SNIP1: variants seen among roughly 807,000 people sequenced by gnomAD.
The protein encoded by SNIP1 is smad nuclear-interacting protein 1.
In SNIP1, 23 loss-of-function variants were observed where a neutral mutation model predicts 37.4. The observed-to-expected ratio is 0.61, with a 90% CI of 0.44 to 0.87. The LOEUF (loss-of-function observed/expected upper bound fraction) is 0.87. SNIP1 is among the 40% of genes least tolerant of loss of function. The probability of loss-of-function intolerance (pLI) is 0.00; values close to 1 mark genes in which losing one functional copy is unlikely to be tolerated. For missense variants in SNIP1, 459 were observed against 540.4 expected (o/e 0.85, Z 1.49); for synonymous variants, 174 against 200.0 (o/e 0.87, Z 1.10).
At chr1:37,545,134 C>T in intron 2 of SNIP1, 6 of 736,884 alleles carry the variant, frequency 8.1e-6, no homozygotes, top group Non-Finnish European at 1.5e-5. Flanking sequence ...AAATTACCCC[C>T]ATTTGTGTGA....
chr1:37,545,470 C>CAAAA (rs74801000), intron 2 of SNIP1, among the ~76,000 whole-genome samples: 1 of 87,248 alleles, frequency 1.1e-5, no homozygotes, highest in African/African-American at 4.4e-5. Context: ...CCGCCCCCAC[C>CAAAA]AAAAAAAAAA....
chr1:37,540,544 T>C lies in SNIP1; in HGVS notation c.539A>G (p.Glu180Gly), dbSNP rs1192402031. Reference protein sequence around the residue: ...QNLQAQEEEREFYNARRREHR... With the variant: ...QNLQAQEEERGFYNARRREHR... ...CTCCCGTCGCCTGGCATTATAAAAC[T>C]CCCGCTCTTCTTCCTGAGCCTGCAG... The change falls in exon 3 of 4, where the codon GAG becomes GGG. Residue 180 changes from glutamate to glycine, a missense_variant. Coordinates refer to ENST00000296215, the MANE Select transcript of SNIP1 (RefSeq NM_024700.4). The surrounding 1 kb of genome is among the most constrained non-coding windows in gnomAD (Gnocchi z 5.6). 5 of 1,614,032 alleles carry C rather than the reference T, an allele frequency of 3.1e-6. No homozygotes were observed. The highest frequency in any genetic ancestry group is 1.6e-4 in the Middle Eastern group (1 of 6,062).
intron 3 of SNIP1, among the ~76,000 whole-genome samples, chr1:37,538,446 T>A (rs1643125780): frequency 6.8e-6 from 1 of 146,364 alleles, no homozygotes; most frequent in Admixed American, 7.0e-5. Context: ...GAGGCAGAGG[T>A]TGCAGTGAGC....
At chr1:37,551,959 T>C (rs1004118906) in intron 2 of SNIP1, among the ~76,000 whole-genome samples, 3 of 152,168 alleles carry the variant, frequency 2.0e-5, no homozygotes, top group African/African-American at 4.8e-5. Context: ...CAGCTTTATG[T>C]GTAATAGCCA....
chr1:37,551,417 TA>T (rs1211060672), intron 2 of SNIP1, among the ~76,000 whole-genome samples: 4 of 152,174 alleles, frequency 2.6e-5, no homozygotes, highest in African/African-American at 9.7e-5. Flanking sequence ...GGTGGGAATA[TA>T]AAATGATACA....
intron 2 of SNIP1, among the ~76,000 whole-genome samples, chr1:37,548,225 T>C (rs12034297): frequency 0.74 from 112,012 of 150,428 alleles, 44,059 homozygotes; most frequent in East Asian, 0.96. Context: ...TGAATATCCT[T>C]CTGTATACTT....
intron 2 of SNIP1, chr1:37,548,740 A>G (rs1570027496): frequency 6.7e-6 from 1 of 150,224 alleles, no homozygotes; most frequent in East Asian, 1.9e-4. Context: ...TCTCAAAAAA[A>G]AAAGAAAAAA....
chr1:37,551,310 T>C (rs1222988399), intron 2 of SNIP1, among the ~76,000 whole-genome samples: 1 of 146,516 alleles, frequency 6.8e-6, no homozygotes, highest in East Asian at 2.0e-4. Context: ...AAAATCACAA[T>C]GAAATACCAC....
At chr1:37,545,670 T>C (rs1643226726) in intron 2 of SNIP1, among the ~76,000 whole-genome samples, 1 of 151,868 alleles carries the variant, frequency 6.6e-6, no homozygotes, top group South Asian at 2.1e-4. Context: ...TAAAAATGAT[T>C]AGGCAGGCAG....
In SNIP1 at chr1:37,542,756, C is replaced by G. The variant is rs577071189; in HGVS notation, c.328-2001G>C. ...CTCTGTCTCAAAAATAAAAAAAGAA[C>G]AGAAAAATGAACAATTTTCAGAAGA... is the stretch of plus-strand genomic sequence containing the variant. On this transcript the variant is annotated intron_variant, in intron 2 of 3. Transcript: ENST00000296215. Among the ~76,000 whole-genome samples the G allele has an allele frequency of 2.6e-5, 4 of 151,540 alleles. No homozygotes were observed. The South Asian group carries it at 8.4e-4, about 32-fold the overall frequency.
chr1:37,545,947 G>A (rs1053712233), intron 2 of SNIP1, among the ~76,000 whole-genome samples: 2 of 152,188 alleles, frequency 1.3e-5, no homozygotes, highest in Admixed American at 6.5e-5. Flanking sequence ...TGGTGGGAAT[G>A]TAAAATGGTA....
At position 37,537,996 on chromosome 1, in the gene SNIP1, G is replaced by A. The variant is rs765899557; in HGVS notation, c.943C>T (p.Arg315Cys). The A allele has an allele frequency of 4.4e-6, 7 of 1,606,090 alleles. No individual in the cohort carries two copies. The highest frequency in any genetic ancestry group is 2.2e-5 in the East Asian group (1 of 44,786). Residue 315 changes from arginine to cysteine, a missense_variant, in exon 4 of 4, where the codon CGT becomes TGT. Arg to Cys is a radical substitution (Grantham distance 180). Coordinates refer to ENST00000296215, the MANE Select transcript of SNIP1 (RefSeq NM_024700.4). The stretch of plus-strand genomic sequence containing the variant: ...CTTCGGCCAACTGTGCCATCAGCAC[G>A]GGTATATTCCACAAGCCTAGCAGAA... ...VFQYRLVEYTRADGTVGRRVK... is the reference protein window; with the variant it reads ...VFQYRLVEYTCADGTVGRRVK...
chr1:37,537,678 A>T lies in SNIP1; in HGVS notation c.*70T>A. On this transcript the variant is annotated 3_prime_UTR_variant, in exon 4 of 4. Coordinates refer to ENST00000296215, the MANE Select transcript of SNIP1 (RefSeq NM_024700.4). ...ACCATAGTGCTGGACCCACCACCATAGTGCTCTCTGAGTCAATCAAAGACT... is the reference window on the plus strand; with the variant it reads ...ACCATAGTGCTGGACCCACCACCATTGTGCTCTCTGAGTCAATCAAAGACT... 2.0e-6 allele frequency: 3 copies of T among 1,521,662 alleles called. No homozygotes were observed. Among genetic ancestry groups the T allele is most frequent in the Non-Finnish European group, 2.7e-6 (3 of 1,117,666 alleles). The allele number at this position is 1,521,662 out of a possible 1,614,324, so 94.3% of individuals were successfully genotyped here. A position where few individuals can be genotyped will look rare whatever the true frequency, so the allele number is the denominator to read the frequency against.
At chr1:37,539,299 C>G (rs1643139086) in intron 3 of SNIP1, among the ~76,000 whole-genome samples, 1 of 152,196 alleles carries the variant, frequency 6.6e-6, no homozygotes, top group South Asian at 2.1e-4. Flanking sequence ...GACCACTGTA[C>G]TATAGTGATC....
intron 3 of SNIP1, among the ~76,000 whole-genome samples, chr1:37,539,337 C>T (rs1241086660): frequency 6.6e-6 from 1 of 152,168 alleles, no homozygotes; most frequent in Non-Finnish European, 1.5e-5. Flanking sequence ...CTTGGTTTTG[C>T]TGGGCTTCAG....
intron 2 of SNIP1, among the ~76,000 whole-genome samples, chr1:37,544,462 A>G (rs71640737): frequency 0.048 from 7,212 of 150,152 alleles, 232 homozygotes; most frequent in South Asian, 0.13. Flanking sequence ...AAAAAAAAAA[A>G]AAAGAAAGAA....
intron 1 of SNIP1, among the ~76,000 whole-genome samples, chr1:37,553,672 C>A (rs2148118655): frequency 6.6e-6 from 1 of 152,244 alleles, no homozygotes; most frequent in Middle Eastern, 3.4e-3. Context: ...AAAGACAACG[C>A]CCACACTCCA....
chr1:37,545,526 A>G (rs1219832323), intron 2 of SNIP1, among the ~76,000 whole-genome samples: 1 of 151,964 alleles, frequency 6.6e-6, no homozygotes, highest in Admixed American at 6.6e-5. Flanking sequence ...GTAAGGTACA[A>G]AAATGTTTAC....
intron 2 of SNIP1, among the ~76,000 whole-genome samples, chr1:37,547,982 T>TA (rs999983538): frequency 3.2e-4 from 47 of 145,374 alleles, no homozygotes; most frequent in South Asian, 6.5e-4. Flanking sequence ...CTGTCTCTAC[T>TA]AAAAAAAAAA....
Sources: allele counts gnomAD v4.1 joint callset (sites outside exome capture counted in the v4.1 genomes callset), GRCh38; gene constraint gnomAD v4.1.1; non-coding constraint Gnocchi (gnomAD v3.1); transcripts MANE v1.5; gene names NCBI Gene and HGNC (gene_info 2026-07-23, HGNC 2026-07-21).